CFAP53: variants seen among roughly 807,000 people sequenced by gnomAD.
The protein encoded by CFAP53 is cilia- and flagella-associated protein 53.
Under a neutral mutation model 59.7 loss-of-function variants are expected in CFAP53, and 62 were observed. That is an observed-to-expected ratio of 1.04 (90% CI 0.85 to 1.28). The LOEUF is 1.28. CFAP53 is among the 50% of genes most tolerant of loss of function. The pLI is 0.00. For missense variants in CFAP53, 629 were observed against 615.6 expected (o/e 1.02, Z -0.23); for synonymous variants, 218 against 205.7 (o/e 1.06, Z -0.51).
At chr18:50,243,482 G>T (rs1255998296) in intron 5 of CFAP53, among the ~76,000 whole-genome samples, 1 of 152,216 alleles carries the variant, frequency 6.6e-6, no homozygotes, top group East Asian at 1.9e-4. Flanking sequence ...AGTTTTCAAT[G>T]ATACAGCTTT....
chr18:50,239,544 C>T (rs2033668697), intron 6 of CFAP53, among the ~76,000 whole-genome samples: 1 of 151,938 alleles, frequency 6.6e-6, no homozygotes, highest in Admixed American at 6.6e-5. Flanking sequence ...CAGTTACAAT[C>T]CAAAAATAAG....
chr18:50,232,336 C>T (rs939291839), intron 7 of CFAP53, among the ~76,000 whole-genome samples: 1 of 152,184 alleles, frequency 6.6e-6, no homozygotes, highest in East Asian at 1.9e-4. Context: ...ATCAAATTAG[C>T]CTCCTGAGTC....
Position 50,228,284 on chromosome 18 carries a change from C to T in CFAP53, c.1317-675G>A, listed in dbSNP as rs1366638988. Among the ~76,000 whole-genome samples, 4 of 152,122 alleles carry T rather than the reference C, an allele frequency of 2.6e-5. No individual in the cohort carries two copies. The East Asian group carries it at 7.7e-4, about 29-fold the overall frequency. On this transcript the variant is annotated intron_variant, in intron 7 of 7. Coordinates refer to ENST00000398545, the MANE Select transcript of CFAP53 (RefSeq NM_145020.5). ...AGCTTTTCCCCTTTCATCTCGGAGG[C>T]TGCTCCGCCTGTTTTCTGCTCTGCT...
At position 50,266,358 on chromosome 18, in the gene CFAP53, G is replaced by A; in HGVS notation, c.47C>T (p.Pro16Leu). The change falls in exon 1 of 8, where the codon CCC becomes CTC. Residue 16 changes from proline to leucine, a missense_variant. By Grantham distance (98) the Pro-to-Leu change is moderately conservative (BLOSUM62 -3). Transcript: ENST00000398545. ...FGTVQREVKG[P>L]TPKVVIVRSK... ...TACCACGATCACCACTTTGGGGGTG[G>A]GGCCCTTAACCTCCCGCTGTACGGT... 6.2e-7 allele frequency: 1 copy of A among 1,614,254 alleles called. No homozygotes were observed. Among genetic ancestry groups the A allele is most frequent in the Non-Finnish European group, 8.5e-7 (1 of 1,180,046 alleles).
intron 7 of CFAP53, among the ~76,000 whole-genome samples, chr18:50,229,538 G>A (rs1256617531): frequency 2.0e-5 from 3 of 152,066 alleles, no homozygotes; most frequent in African/African-American, 7.2e-5. Flanking sequence ...ATAGTGCTAT[G>A]AATATTTCTG....
At chr18:50,255,139 A>G (rs934832471) in intron 3 of CFAP53, among the ~76,000 whole-genome samples, 23 of 152,186 alleles carry the variant, frequency 1.5e-4, no homozygotes, top group Admixed American at 3.3e-4. Flanking sequence ...TACCTCCAAC[A>G]ACTTGGATGG....
At chr18:50,249,944 C>T (rs561364646) in intron 5 of CFAP53, among the ~76,000 whole-genome samples, 16 of 152,188 alleles carry the variant, frequency 1.1e-4, no homozygotes, top group Non-Finnish European at 1.9e-4. Context: ...AAAGTTTATC[C>T]AGGCACAGTA....
chr18:50,259,036 G>A (rs540727590), intron 3 of CFAP53, among the ~76,000 whole-genome samples: 2 of 152,296 alleles, frequency 1.3e-5, no homozygotes, highest in African/African-American at 2.4e-5. Context: ...ATGGAGAACA[G>A]TTTGGAGGTT....
At chr18:50,236,672 C>A (rs1422401886) in intron 7 of CFAP53, among the ~76,000 whole-genome samples, 1 of 152,116 alleles carries the variant, frequency 6.6e-6, no homozygotes, top group East Asian at 1.9e-4. Flanking sequence ...ACTGAGATCC[C>A]TGACTACAGT....
intron 5 of CFAP53, among the ~76,000 whole-genome samples, chr18:50,245,463 C>T (rs1179074165): frequency 6.6e-6 from 1 of 151,726 alleles, no homozygotes; most frequent in African/African-American, 2.4e-5. Context: ...TACAAAACTC[C>T]TTGTATTCCT....
chr18:50,245,924 C>T (rs765235137), intron 5 of CFAP53, among the ~76,000 whole-genome samples: 3 of 152,096 alleles, frequency 2.0e-5, no homozygotes, highest in Non-Finnish European at 4.4e-5. Context: ...GAGTGTCACT[C>T]TTGTTGCTCG....
intron 5 of CFAP53, among the ~76,000 whole-genome samples, chr18:50,249,059 C>G (rs2033772619): frequency 6.6e-6 from 1 of 151,256 alleles, no homozygotes; most frequent in South Asian, 2.1e-4. Flanking sequence ...AAAAATTAGC[C>G]AGACGCAGTG....
chr18:50,263,292 C>T (rs2033911754), intron 1 of CFAP53, among the ~76,000 whole-genome samples: 1 of 152,142 alleles, frequency 6.6e-6, no homozygotes, highest in African/African-American at 2.4e-5. Context: ...TGCTGATTCA[C>T]AGAAACAAAA....
At chr18:50,229,816 T>C (rs1464493844) in intron 7 of CFAP53, among the ~76,000 whole-genome samples, 1 of 149,854 alleles carries the variant, frequency 6.7e-6, no homozygotes, top group Admixed American at 6.7e-5. Context: ...CACACAATCA[T>C]GGCTCACTGC....
chr18:50,236,729 T>A (rs1220078266), intron 7 of CFAP53, among the ~76,000 whole-genome samples: 1 of 152,120 alleles, frequency 6.6e-6, no homozygotes, highest in Non-Finnish European at 1.5e-5. Context: ...GGTTGAGCCT[T>A]CAGATGAATA....
At chr18:50,241,750 G>A (rs62095073) in intron 6 of CFAP53, among the ~76,000 whole-genome samples, 31,094 of 151,834 alleles carry the variant, frequency 0.2, 3,228 homozygotes, top group South Asian at 0.23. Context: ...ATGCTTCAAA[G>A]GGTCATAAAG....
rs114893000 is a variant in CFAP53, at chr18:50,252,073, T to C, written c.474-289A>G. On this transcript the variant is annotated intron_variant, in intron 3 of 7. Transcript: ENST00000398545. ...CCAATGACTGACCTATTCACTTGAC[T>C]TTGAGAACCCCTAATTTAGGGTTGC... Among the ~76,000 whole-genome samples, 631 of 151,002 alleles carry C rather than the reference T, an allele frequency of 4.2e-3. 5 individuals are homozygous for C. Among genetic ancestry groups the C allele is most frequent in the African/African-American group, 0.014 (584 of 41,154 alleles).
At chr18:50,248,036 A>G (rs1016043214) in intron 5 of CFAP53, among the ~76,000 whole-genome samples, 1 of 152,036 alleles carries the variant, frequency 6.6e-6, no homozygotes, top group African/African-American at 2.4e-5. Flanking sequence ...TAGATAATGG[A>G]CAAAAACCAG....
intron 1 of CFAP53, among the ~76,000 whole-genome samples, chr18:50,264,158 A>C (rs2033917395): frequency 2.6e-5 from 4 of 152,200 alleles, no homozygotes; most frequent in Admixed American, 2.6e-4. Flanking sequence ...CTCTAGGCAC[A>C]TTTCAAGTGC....
Sources: gnomAD v4.1 joint callset for allele counts (sites outside exome capture counted in the v4.1 genomes callset) on GRCh38, gnomAD v4.1.1 for gene constraint, MANE v1.5 for transcripts, NCBI Gene and HGNC (gene_info 2026-07-23, HGNC 2026-07-21) for gene names.